RUFY1: variants seen among roughly 807,000 people sequenced by gnomAD.
RUFY1 encodes RUN and FYVE domain containing 1.
RUFY1 carries 54 observed loss-of-function variants against 94.6 expected under a neutral mutation model. The ratio of observed to expected loss-of-function variants is 0.57; its 90% CI spans 0.46 to 0.72. The LOEUF (loss-of-function observed/expected upper bound fraction) is 0.72. RUFY1 is among the 30% of genes least tolerant of loss of function. The pLI is 0.00. For synonymous variants in RUFY1, 396 were observed against 347.3 expected (o/e 1.14, Z -1.56); for missense variants, 883 against 883.9 (o/e 1.00, Z 0.01).
chr5:179,585,887 T>G, intron 8 of RUFY1, 22 bp downstream of exon 8: 13 of 1,582,678 alleles, frequency 8.2e-6, no homozygotes, highest in Non-Finnish European at 1.1e-5. Context: ...TTATTGAAAT[T>G]TTTAGACAAA....
At chr5:179,591,791 A>G in intron 10 of RUFY1, 50 bp downstream of exon 10, 1 of 1,053,056 alleles carries the variant, frequency 9.5e-7, no homozygotes, top group Non-Finnish European at 1.4e-6. Context: ...CCGTAGTGTT[A>G]ATTCTGTCAA....
chr5:179,551,878 T>C (rs1041450732), intron 1 of RUFY1, among the ~76,000 whole-genome samples: 4 of 150,540 alleles, frequency 2.7e-5, no homozygotes, highest in African/African-American at 9.7e-5. Context: ...AAAAATTGAG[T>C]TCCTCGGCCG....
At chr5:179,559,539 G>C (rs1762280681) in intron 1 of RUFY1, among the ~76,000 whole-genome samples, 1 of 152,212 alleles carries the variant, frequency 6.6e-6, no homozygotes, top group Non-Finnish European at 1.5e-5. Flanking sequence ...CTCCGTCCGG[G>C]ACAGAGGGTG....
intron 15 of RUFY1, among the ~76,000 whole-genome samples, chr5:179,605,341 G>C (rs1243325345): frequency 6.6e-5 from 10 of 151,330 alleles, no homozygotes. Context: ...CATTTTATTT[G>C]GTTTAGTTCT....
intron 5 of RUFY1, among the ~76,000 whole-genome samples, chr5:179,575,079 G>T (rs1189114202): frequency 1.4e-5 from 2 of 143,704 alleles, no homozygotes; most frequent in Non-Finnish European, 3.0e-5. Context: ...ACAGGTGATG[G>T]TAAAGATTCT....
chr5:179,596,451 AAG>A, intron 12 of RUFY1, 109 bp from the exon 13 acceptor site: 1 of 1,366,938 alleles, frequency 7.3e-7, no homozygotes, highest in Non-Finnish European at 1.0e-6. Flanking sequence ...TAAAACTCAC[AAG>A]AGTTAATTTT....
At chr5:179,551,720 G>A (rs1023362044) in intron 1 of RUFY1, among the ~76,000 whole-genome samples, 19 of 139,118 alleles carry the variant, frequency 1.4e-4, no homozygotes, top group Admixed American at 1.2e-3. Context: ...TCACCATCTT[G>A]GCCAGGCTGG....
intron 10 of RUFY1, among the ~76,000 whole-genome samples, chr5:179,592,589 A>G (rs1244141284): frequency 6.6e-6 from 1 of 152,162 alleles, no homozygotes; most frequent in African/African-American, 2.4e-5. Flanking sequence ...ATGAGACCAG[A>G]TTAACGGTTT....
At chr5:179,563,016 G>A (rs1762562805) in intron 3 of RUFY1, 1 of 174,562 alleles carries the variant, frequency 5.7e-6, no homozygotes, top group African/African-American at 2.4e-5. Flanking sequence ...GTAGATTCCA[G>A]GCCCAAGGAC....
intron 6 of RUFY1, among the ~76,000 whole-genome samples, chr5:179,580,393 C>T (rs1230604542): frequency 1.3e-5 from 2 of 151,842 alleles, no homozygotes; most frequent in African/African-American, 2.4e-5. Context: ...CAGGCGCCCG[C>T]CACCACGCCC....
At chr5:179,597,396 T>C (rs1220100203) in intron 13 of RUFY1, among the ~76,000 whole-genome samples, 2 of 152,084 alleles carry the variant, frequency 1.3e-5, no homozygotes, top group African/African-American at 4.8e-5. Context: ...CCACCACACC[T>C]GGCTAATTTT....
At chr5:179,592,110 A>G (rs1765167154) in intron 10 of RUFY1, among the ~76,000 whole-genome samples, 1 of 151,032 alleles carries the variant, frequency 6.6e-6, no homozygotes, top group African/African-American at 2.4e-5. Flanking sequence ...ACACCCGGCT[A>G]ATTTTTTGGT....
At chr5:179,555,532 C>A in intron 1 of RUFY1, 1 of 298,512 alleles carries the variant, frequency 3.3e-6, no homozygotes, top group South Asian at 2.5e-5. Flanking sequence ...GCCAGCAGCA[C>A]TTCCAGAGAC....
intron 17 of RUFY1, chr5:179,608,712 G>A (rs1182156828): frequency 1.2e-6 from 1 of 823,344 alleles, no homozygotes; most frequent in African/African-American, 1.9e-5. Context: ...TGGATCACGA[G>A]GTCAGAAGTT....
intron 5 of RUFY1, among the ~76,000 whole-genome samples, chr5:179,570,372 C>T (rs4075890): frequency 0.41 from 62,873 of 152,012 alleles, 13,450 homozygotes; most frequent in East Asian, 0.73. Context: ...TCCTGCAAGC[C>T]TGGATGGGGA....
At chr5:179,604,206 C>T (rs1250471931) in intron 15 of RUFY1, among the ~76,000 whole-genome samples, 1 of 152,222 alleles carries the variant, frequency 6.6e-6, no homozygotes, top group South Asian at 2.1e-4. Context: ...TTTGCAAACC[C>T]AGACAGGACT....
At chr5:179,598,987 C>A (rs1766000968) in intron 14 of RUFY1, among the ~76,000 whole-genome samples, 166 bp downstream of exon 14, 1 of 152,186 alleles carries the variant, frequency 6.6e-6, no homozygotes, top group African/African-American at 2.4e-5. Flanking sequence ...AAGACAAAGA[C>A]AAATCATAAA....
intron 2 of RUFY1, among the ~76,000 whole-genome samples, chr5:179,561,584 CAAA>C (rs903694717): frequency 1.1e-5 from 1 of 92,892 alleles, no homozygotes; most frequent in African/African-American, 4.2e-5. Flanking sequence ...CTGAAAAAAA[CAAA>C]AAAAAATAAA....
intron 1 of RUFY1, among the ~76,000 whole-genome samples, chr5:179,559,538 G>A (rs1762280528): frequency 6.6e-6 from 1 of 152,204 alleles, no homozygotes; most frequent in Non-Finnish European, 1.5e-5. Flanking sequence ...CCTCCGTCCG[G>A]GACAGAGGGT....
Sources: allele counts gnomAD v4.1 joint callset (sites outside exome capture counted in the v4.1 genomes callset), GRCh38; gene constraint gnomAD v4.1.1; transcripts MANE v1.5; gene names NCBI Gene and HGNC (gene_info 2026-07-23, HGNC 2026-07-21).